Variants in UGT1A7 observed in about 807,000 individuals in gnomAD.
UGT1A7 encodes UDP-glucuronosyltransferase 1A7.
Under a neutral mutation model 45.6 loss-of-function variants are expected in UGT1A7, and 33 were observed. The ratio of observed to expected loss-of-function variants is 0.72; its 90% CI spans 0.55 to 0.97. UGT1A7 has a LOEUF of 0.97. Ranked by LOEUF, UGT1A7 falls within the 50% of genes least tolerant of loss-of-function variation. UGT1A7 has a pLI of 0.00. For missense variants in UGT1A7, 684 were observed against 666.2 expected, an observed-to-expected ratio of 1.03 and a Z score of -0.29; for synonymous variants, 274 against 250.6, an observed-to-expected ratio of 1.09 and a Z score of -0.88.
rs34946247 is a variant in UGT1A7 at position 233,761,682 on chromosome 2, A to G, written c.856-5352A>G. Among the ~76,000 whole-genome samples, 259 of 152,380 alleles carry G rather than the reference A, an allele frequency of 1.7e-3. 1 individual carries two copies. The highest frequency in any genetic ancestry group is 5.9e-3 in the African/African-American group (244 of 41,588). On this transcript the variant is annotated intron_variant, in intron 1 of 4. Coordinates refer to ENST00000373426, the MANE Select transcript of UGT1A7 (RefSeq NM_019077.3). Reference sequence around the variant, plus strand: ...AATCACCAGACAGTCAGGTTCTGACATGATACAGAAAGGTTGTAGGTTTCA... The same window carrying G: ...AATCACCAGACAGTCAGGTTCTGACGTGATACAGAAAGGTTGTAGGTTTCA...
At chr2:233,704,879 A>G (rs1317470741) in intron 1 of UGT1A7, among the ~76,000 whole-genome samples, 2 of 152,172 alleles carry the variant, frequency 1.3e-5, no homozygotes, top group African/African-American at 4.8e-5. Context: ...CACTCCTGTA[A>G]TCCCAGCACT....
At chr2:233,759,591 C>T (rs984696431) in intron 1 of UGT1A7, among the ~76,000 whole-genome samples, 2 of 147,100 alleles carry the variant, frequency 1.4e-5, no homozygotes, top group Non-Finnish European at 3.0e-5. Context: ...GCACGCCCCC[C>T]ACCCCCGACC....
chr2:233,746,892 G>A (rs1693507408), intron 1 of UGT1A7, among the ~76,000 whole-genome samples: 1 of 151,796 alleles, frequency 6.6e-6, no homozygotes, highest in African/African-American at 2.4e-5. Flanking sequence ...GAAGTAGGAG[G>A]CTGTGACATG....
chr2:233,732,686 C>A (rs1472057155), intron 1 of UGT1A7, among the ~76,000 whole-genome samples: 1 of 151,722 alleles, frequency 6.6e-6, no homozygotes, highest in African/African-American at 2.4e-5. Flanking sequence ...GGTACCAGCA[C>A]CCATGCTGTT....
At chr2:233,744,570 G>A (rs1351867033) in intron 1 of UGT1A7, among the ~76,000 whole-genome samples, 1 of 151,848 alleles carries the variant, frequency 6.6e-6, no homozygotes, top group Non-Finnish European at 1.5e-5. Flanking sequence ...TGAGAAGAGT[G>A]GCATCGTTTT....
At chr2:233,700,989 G>A (rs1010357196) in intron 1 of UGT1A7, among the ~76,000 whole-genome samples, 4 of 152,026 alleles carry the variant, frequency 2.6e-5, no homozygotes, top group African/African-American at 7.2e-5. Flanking sequence ...TTGTCCTTGC[G>A]ATAGTTTGCT....
chr2:233,755,006 C>T (rs1286236812), intron 1 of UGT1A7: 2 of 1,291,954 alleles, frequency 1.5e-6, no homozygotes, highest in Admixed American at 1.9e-5. Context: ...TGAAGACCTA[C>T]TCGAAGGGGT....
intron 1 of UGT1A7, among the ~76,000 whole-genome samples, chr2:233,687,304 G>A (rs6736743): frequency 0.39 from 59,722 of 151,878 alleles, 11,933 homozygotes; most frequent in South Asian, 0.45. Context: ...AGATATCAAT[G>A]TTGTCTTCTT....
intron 1 of UGT1A7, chr2:233,717,733 A>T (rs2076602571): frequency 4.4e-6 from 2 of 456,030 alleles, no homozygotes; most frequent in Admixed American, 4.7e-5. Context: ...GACCATTGTG[A>T]GTGCTCAGGG....
At chr2:233,764,334 G>A (rs1470444566) in intron 1 of UGT1A7, among the ~76,000 whole-genome samples, 1 of 152,188 alleles carries the variant, frequency 6.6e-6, no homozygotes, top group Non-Finnish European at 1.5e-5. Flanking sequence ...AGTAGGGGAT[G>A]GACTTCACCT....
intron 1 of UGT1A7, chr2:233,721,603 G>A: frequency 5.7e-6 from 1 of 176,650 alleles, no homozygotes; most frequent in Non-Finnish European, 1.2e-5. Context: ...TCAGGTTTAG[G>A]AACAATTTGT....
Position 233,769,406 on chromosome 2 carries a change from T to C in UGT1A7, c.1295+967T>C. Reference sequence around the variant, plus strand: ...AATAGATACTGTGTGCATATGTGCGTGTGCGTTTGTGCATGTGGCTGTGCT... The same window carrying C: ...AATAGATACTGTGTGCATATGTGCGCGTGCGTTTGTGCATGTGGCTGTGCT... On this transcript the variant is annotated intron_variant, in intron 4 of 4. Transcript: ENST00000373426. This position sits in a 1 kb window ranked among gnomAD's most constrained non-coding sequence, Gnocchi z 4.4. 1 of 1,252,262 alleles carries C rather than the reference T, an allele frequency of 8.0e-7. No individual in the cohort carries two copies. Among genetic ancestry groups the C allele is most frequent in the Non-Finnish European group, 1.1e-6 (1 of 876,920 alleles). The allele number at this position is 1,252,262 out of a possible 1,614,324, so 77.6% of individuals were successfully genotyped here.
rs1212901051 is a variant in UGT1A7 at position 233,697,502 on chromosome 2, C to CT, written c.855+14723dup. Among the ~76,000 whole-genome samples the CT allele has an allele frequency of 9.7e-3, 1,385 of 142,280 alleles. 7 individuals carry two copies. Among genetic ancestry groups the CT allele is most frequent in the African/African-American group, 0.02 (766 of 39,092 alleles). The allele number at this position is 142,280 out of a possible 152,430, so 93.3% of individuals were successfully genotyped here. A position where few individuals can be genotyped will look rare whatever the true frequency, so the allele number is the denominator to read the frequency against. On this transcript the variant is annotated intron_variant, in intron 1 of 4. Transcript: ENST00000373426. Reference sequence around the variant, plus strand: ...CTCAAGGTTTGCCAATTTTGTTTATCTTTTTTTTTTTTTAAAAAACTTTTT... The same window carrying CT: ...CTCAAGGTTTGCCAATTTTGTTTATCTTTTTTTTTTTTTTAAAAAACTTTTT...
chr2:233,724,950 A>C (rs2077335462), intron 1 of UGT1A7, among the ~76,000 whole-genome samples: 2 of 143,906 alleles, frequency 1.4e-5, no homozygotes, highest in Non-Finnish European at 1.5e-5. Flanking sequence ...CAATCCCGGC[A>C]CCTCGGGAGG....
intron 1 of UGT1A7, among the ~76,000 whole-genome samples, chr2:233,728,922 C>T (rs1370421534): frequency 6.9e-6 from 1 of 145,892 alleles, no homozygotes; most frequent in Non-Finnish European, 1.5e-5. Context: ...TCAAGATAGT[C>T]ATGATCGGTC....
In UGT1A7 at chr2:233,684,583, G is replaced by A. The variant is rs539348437; in HGVS notation, c.855+1791G>A. ...AGATCTATAAAATATGAAACATTGA[G>A]CCATATATAGTTTTACATATTTTGG... is the stretch of plus-strand genomic sequence containing the variant. On this transcript the variant is annotated intron_variant, in intron 1 of 4. Transcript: ENST00000373426. Among the ~76,000 whole-genome samples the A allele has an allele frequency of 7.1e-4, 108 of 152,230 alleles. 1 individual carries two copies. Among genetic ancestry groups the A allele is most frequent in the African/African-American group, 2.3e-3 (97 of 41,552 alleles).
rs145424374 is a variant in UGT1A7, at chr2:233,682,031, C to T, written c.94C>T (p.Pro32Ser). The change falls in exon 1 of 5, where the codon CCC becomes TCC. Residue 32 changes from proline to serine, a missense_variant. Coordinates refer to ENST00000373426, the MANE Select transcript of UGT1A7 (RefSeq NM_019077.3). ...FAKAGKLLVVPMDGSHWFTMQ... is the reference protein window; with the variant it reads ...FAKAGKLLVVSMDGSHWFTMQ... Reference sequence around the variant, plus strand: ...CAAGGCAGGGAAGCTGCTGGTAGTGCCCATGGATGGGAGCCACTGGTTCAC... The same window carrying T: ...CAAGGCAGGGAAGCTGCTGGTAGTGTCCATGGATGGGAGCCACTGGTTCAC... 75 of 1,613,956 alleles carry T rather than the reference C, an allele frequency of 4.6e-5. 1 individual carries two copies. Among genetic ancestry groups the T allele is most frequent in the South Asian group, 1.8e-4 (16 of 91,084 alleles).
intron 1 of UGT1A7, among the ~76,000 whole-genome samples, chr2:233,689,667 A>C (rs1575441653): frequency 6.6e-6 from 1 of 152,332 alleles, no homozygotes; most frequent in Admixed American, 6.5e-5. Context: ...TCCTCCAAGA[A>C]CAAAGAATGG....
chr2:233,705,359 T>C (rs1380936065), intron 1 of UGT1A7, among the ~76,000 whole-genome samples: 3 of 152,218 alleles, frequency 2.0e-5, no homozygotes, highest in Non-Finnish European at 4.4e-5. Flanking sequence ...TACATGGGGT[T>C]TTGCTTTTAT....
Sources: allele counts gnomAD v4.1 joint callset (sites outside exome capture counted in the v4.1 genomes callset), GRCh38; gene constraint gnomAD v4.1.1; non-coding constraint Gnocchi (gnomAD v3.1); transcripts MANE v1.5; gene names NCBI Gene and HGNC (gene_info 2026-07-23, HGNC 2026-07-21).